Variants in QRICH2 observed in about 807,000 individuals in gnomAD.
QRICH2 encodes glutamine-rich protein 2.
QRICH2 carries 119 observed loss-of-function variants against 168.3 expected under a neutral mutation model. The ratio of observed to expected loss-of-function variants is 0.71; its 90% CI spans 0.61 to 0.82. The LOEUF (loss-of-function observed/expected upper bound fraction) is 0.82, where lower values mean the gene tolerates loss of function less well. QRICH2 is among the 40% of genes least tolerant of loss of function. The pLI is 0.00. For missense variants in QRICH2, 2,241 were observed against 2,491.6 expected (o/e 0.90, Z 2.14); for synonymous variants, 894 against 951.2 (o/e 0.94, Z 1.11).
At chr17:76,285,206 A>G (rs933901012) in intron 7 of QRICH2, among the ~76,000 whole-genome samples, 6 of 151,934 alleles carry the variant, frequency 3.9e-5, no homozygotes, top group African/African-American at 1.5e-4. Context: ...ATCTCAGCTC[A>G]CTGCAACCTC....
At chr17:76,276,048 G>T in intron 17 of QRICH2, 101 bp from the exon 18 acceptor site, 1 of 1,396,316 alleles carries the variant, frequency 7.2e-7, no homozygotes, top group Non-Finnish European at 9.8e-7. Context: ...GCTGGTCATG[G>T]CCGGCCTCAG....
rs757651848 is a variant in QRICH2 at position 76,293,569 on chromosome 17, C to A, written c.1158G>T (p.Arg386Ser). The change falls in exon 4 of 19, where the codon AGG (arginine) becomes AGT (serine). Residue 386 changes from arginine (R) to serine (S), a missense_variant. Physicochemically the swap from Arg to Ser is moderately radical, Grantham distance 110. This residue lies in a region of QRICH2 where 2,047 missense variants were observed against 2,303.8 expected (regional missense o/e 0.89). Coordinates refer to ENST00000680821, the MANE Select transcript of QRICH2 (RefSeq NM_001388453.1). ...TTGGTTCTAACCCACGACGATCTGGCCTTAGATGGACCTGACTCTGGCTAG... is the reference window on the plus strand; with the variant it reads ...TTGGTTCTAACCCACGACGATCTGGACTTAGATGGACCTGACTCTGGCTAG... ...VPASQSQVHL[R>S]PDRRGLEPTG... 3.1e-6 allele frequency: 5 copies of A among 1,614,078 alleles called. No individual in the cohort carries two copies. The highest frequency in any genetic ancestry group is 2.2e-5 in the East Asian group (1 of 44,900).
rs375002218 is a variant in QRICH2, at chr17:76,291,761, C to G, written c.2966G>C (p.Arg989Pro). ...ATCTGCCTGGAATGTTGAAGAGCCACGAAGCTTTGTGCCTGGTGCTATCAA... is the reference window on the plus strand; with the variant it reads ...ATCTGCCTGGAATGTTGAAGAGCCAGGAAGCTTTGTGCCTGGTGCTATCAA... ...PGLIAPGTKLRGSSTFQADST... is the reference protein window; with the variant it reads ...PGLIAPGTKLPGSSTFQADST... Residue 989 changes from arginine (R) to proline (P), a missense_variant, in exon 4 of 19, where the codon CGT (arginine) becomes CCT (proline). By Grantham distance (103) the Arg-to-Pro change is moderately radical. This residue lies in a region of QRICH2 where 2,047 missense variants were observed against 2,303.8 expected (regional missense o/e 0.89). Coordinates refer to ENST00000680821, the MANE Select transcript of QRICH2 (RefSeq NM_001388453.1). The G allele has an allele frequency of 1.9e-6, 3 of 1,614,056 alleles. No homozygotes were observed. The highest frequency in any genetic ancestry group is 1.3e-5 in the African/African-American group (1 of 74,920).
rs61553346 is a variant in QRICH2, at chr17:76,284,168, CAAA to C, written c.4012-2056_4012-2054del. ...GGGCAACAGAGCAAAACTCTGTCTC[CAAA>C]AAAAAAAAAAAAAAAAAAAAAAAAA... On this transcript the variant is annotated intron_variant, in intron 7 of 18. Transcript: ENST00000680821. Among the ~76,000 whole-genome samples the C allele has an allele frequency of 3.5e-4, 22 of 62,738 alleles. 2 individuals are homozygous for C. The highest frequency in any genetic ancestry group is 1.3e-3 in the African/African-American group (12 of 9,180). 41.2% of individuals were successfully genotyped at this position (62,738 alleles called of 152,430 possible).
rs2070994152 is a variant in QRICH2, at chr17:76,291,637, A to T, written c.3090T>A (p.Gly1030=). 1.2e-6 allele frequency: 2 copies of T among 1,614,134 alleles called. No homozygotes were observed. Among genetic ancestry groups the T allele is most frequent in the East Asian group, 4.5e-5 (2 of 44,880 alleles). Residue 1030 remains glycine, a synonymous_variant, in exon 4 of 19, where the codon GGT becomes GGA. Transcript: ENST00000680821. ...GQVSPLLASQ[G]LASPGIDRRS... ...TTCGATCTATACCAGGTGATGCCAA[A>T]CCTTGACTGGCTAGGAGTGGTGACA...
At chr17:76,278,437 C>T (rs750445784) in intron 14 of QRICH2, among the ~76,000 whole-genome samples, 1 of 152,250 alleles carries the variant, frequency 6.6e-6, no homozygotes, top group Non-Finnish European at 1.5e-5. Context: ...TGCCTGTCTG[C>T]AGCTGTGGGT....
At chr17:76,296,431 G>A (rs893298281) in intron 3 of QRICH2, among the ~76,000 whole-genome samples, 7 of 152,154 alleles carry the variant, frequency 4.6e-5, no homozygotes, top group Non-Finnish European at 8.8e-5. Flanking sequence ...CTGAGTTGAG[G>A]AGACAGAAGT....
chr17:76,305,085 A>G (rs2143404477), intron 1 of QRICH2, 144 bp from the exon 2 acceptor site: 1 of 678,714 alleles, frequency 1.5e-6, no homozygotes, highest in African/African-American at 1.8e-5. Context: ...ACTCAGTGCC[A>G]GGAGACGAGG....
Position 76,308,255 on chromosome 17 carries a change from G to C in QRICH2, c.-257C>G, listed in dbSNP as rs1307017924. 2 of 985,314 alleles carry C rather than the reference G, an allele frequency of 2.0e-6. No homozygotes were observed. The highest frequency in any genetic ancestry group is 2.4e-6 in the Non-Finnish European group (2 of 829,914). The allele number at this position is 985,314 out of a possible 1,614,324, so 61.0% of individuals were successfully genotyped here. A position where few individuals can be genotyped will look rare whatever the true frequency, so the allele number is the denominator to read the frequency against. ...CCCGAGCTGGAGCCCTGGACTCCCA[G>C]TCCCCGCGCCGGCGGACGTTTGAAA... is the stretch of plus-strand genomic sequence containing the variant. On this transcript the variant is annotated 5_prime_UTR_variant, in exon 1 of 19. Coordinates refer to ENST00000680821, the MANE Select transcript of QRICH2 (RefSeq NM_001388453.1).
At chr17:76,308,290 C>T (rs1037476838), upstream of QRICH2, 1 of 985,252 alleles carries the variant, frequency 1.0e-6, no homozygotes, top group African/African-American at 1.7e-5. Context: ...ACGTGGGGGC[C>T]CCCGCGTGCC....
At chr17:76,298,659 AGGCTGGAGTTCAGT>A (rs2070844501) in intron 3 of QRICH2, among the ~76,000 whole-genome samples, 1 of 151,816 alleles carries the variant, frequency 6.6e-6, no homozygotes. Context: ...TCTGTCGCCC[AGGCTGGAGTTCAGT>A]GGCGCGATCT....
intron 5 of QRICH2, among the ~76,000 whole-genome samples, 179 bp from the exon 6 acceptor site, chr17:76,288,076 A>G (rs920353772): frequency 6.6e-6 from 1 of 152,170 alleles, no homozygotes; most frequent in African/African-American, 2.4e-5. Context: ...ATGGATGTAG[A>G]AAGCTGGCAT....
At chr17:76,286,747 T>C (rs1204438814) in intron 7 of QRICH2, among the ~76,000 whole-genome samples, 1 of 151,890 alleles carries the variant, frequency 6.6e-6, no homozygotes, top group Non-Finnish European at 1.5e-5. Context: ...TGGTGGCATA[T>C]GCCTGTAGTC....
intron 7 of QRICH2, among the ~76,000 whole-genome samples, chr17:76,286,223 T>C (rs2070882892): frequency 6.6e-6 from 1 of 152,052 alleles, no homozygotes; most frequent in African/African-American, 2.4e-5. Flanking sequence ...TTATTCATAA[T>C]AGCCAAAGGA....
In QRICH2 at chr17:76,280,049, C is replaced by T. The variant is rs1293912442; in HGVS notation, c.4732G>A (p.Ala1578Thr). 5 of 1,612,416 alleles carry T rather than the reference C, an allele frequency of 3.1e-6. No homozygotes were observed. Among genetic ancestry groups the T allele is most frequent in the Non-Finnish European group, 4.2e-6 (5 of 1,179,426 alleles). The change falls in exon 12 of 19, where the codon GCG becomes ACG. Residue 1578 changes from alanine (A) to threonine (T), a missense_variant. Coordinates refer to ENST00000680821, the MANE Select transcript of QRICH2 (RefSeq NM_001388453.1). This position sits in a 1 kb window ranked among gnomAD's most constrained non-coding sequence, Gnocchi z 7.4. ...ERPPLYQADE[A>T]AAMRRQLLAH... Reference sequence around the variant, plus strand: ...AGGCCTCACCTCCGCATGGCAGCCGCCTCGTCTGCCTGGTAGAGTGGGGGG... The same window carrying T: ...AGGCCTCACCTCCGCATGGCAGCCGTCTCGTCTGCCTGGTAGAGTGGGGGG...
chr17:76,301,148 T>C (rs2070889963), intron 3 of QRICH2, among the ~76,000 whole-genome samples: 1 of 151,876 alleles, frequency 6.6e-6, no homozygotes, highest in African/African-American at 2.4e-5. Flanking sequence ...GTCCAGGAGG[T>C]CGAGGTTGCA....
At position 76,307,358 on chromosome 17, in the gene QRICH2, C is replaced by T; in HGVS notation, c.534+107G>A. 1.6e-6 allele frequency: 2 copies of T among 1,218,122 alleles called. No homozygotes were observed. Among genetic ancestry groups the T allele is most frequent in the Non-Finnish European group, 1.2e-6 (1 of 840,370 alleles). 75.5% of individuals were successfully genotyped at this position (1,218,122 alleles called of 1,614,324 possible). A position where few individuals can be genotyped will look rare whatever the true frequency, so the allele number is the denominator to read the frequency against. On this transcript the variant is annotated intron_variant, in intron 1 of 18. Transcript: ENST00000680821. The surrounding 1 kb of genome is among the most constrained non-coding windows in gnomAD (Gnocchi z 5.3). ...GCACCTCCTCGGTCCCCATCCCCTC[C>T]GTCCCCACCACCGCTCACCCCTCCA... is the stretch of plus-strand genomic sequence containing the variant.
At chr17:76,275,706 G>A (rs1478351595) in intron 18 of QRICH2, 113 bp downstream of exon 18, 6 of 1,357,556 alleles carry the variant, frequency 4.4e-6, no homozygotes, top group East Asian at 2.5e-5. Context: ...CCCCCCCTTC[G>A]GCTCCCAGGC....
chr17:76,290,143 C>T, intron 4 of QRICH2, 66 bp from the exon 5 acceptor site: 1 of 1,211,318 alleles, frequency 8.3e-7, no homozygotes, highest in Non-Finnish European at 1.2e-6. Flanking sequence ...ATCTCCATTT[C>T]CAGCCCCTGT....
Sources: allele counts gnomAD v4.1 joint callset (sites outside exome capture counted in the v4.1 genomes callset), GRCh38; gene constraint gnomAD v4.1.1; regional missense constraint gnomAD v4.1.1; non-coding constraint Gnocchi (gnomAD v3.1); transcripts MANE v1.5; gene names NCBI Gene and HGNC (gene_info 2026-07-23, HGNC 2026-07-21).